Variants in RBFOX1 observed in about 807,000 individuals in gnomAD.
The protein encoded by RBFOX1 is RNA binding fox-1 homolog 1.
In RBFOX1, 8 loss-of-function variants were observed where a neutral mutation model predicts 57.7. The ratio of observed to expected loss-of-function variants is 0.14; its 90% CI spans 0.08 to 0.25. The LOEUF (loss-of-function observed/expected upper bound fraction) is 0.25. Ranked by LOEUF, RBFOX1 falls within the 10% of genes least tolerant of loss-of-function variation. The pLI, the probability that RBFOX1 is intolerant of heterozygous loss-of-function variation, is 1.00. For synonymous variants in RBFOX1, 326 were observed against 222.4 expected, an observed-to-expected ratio of 1.47 and a Z score of -4.15; for missense variants, 611 against 548.5, an observed-to-expected ratio of 1.11 and a Z score of -1.14.
intron 2 of RBFOX1, among the ~76,000 whole-genome samples, chr16:6,539,200 C>T (rs2096777615): frequency 6.6e-6 from 1 of 151,782 alleles, no homozygotes; most frequent in African/African-American, 2.4e-5. Context: ...AATCATTGTG[C>T]AGTATGATGG....
chr16:7,043,939 C>T (rs927132728), intron 3 of RBFOX1, among the ~76,000 whole-genome samples: 1 of 152,130 alleles, frequency 6.6e-6, no homozygotes, highest in Admixed American at 6.6e-5. Flanking sequence ...CAAAAACAAA[C>T]AAAATACACT....
chr16:6,673,233 C>A (rs891555624), intron 3 of RBFOX1, among the ~76,000 whole-genome samples: 3 of 152,138 alleles, frequency 2.0e-5, no homozygotes, highest in East Asian at 3.9e-4. Flanking sequence ...CTTCTCTATC[C>A]ACTCTCTGAT....
At chr16:7,585,751 G>A (rs1030517826) in intron 6 of RBFOX1, among the ~76,000 whole-genome samples, 4 of 152,116 alleles carry the variant, frequency 2.6e-5, no homozygotes, top group Admixed American at 2.6e-4. Context: ...CATTCCAGAG[G>A]ATAGCTATCT....
intron 1 of RBFOX1, among the ~76,000 whole-genome samples, chr16:6,091,122 C>T (rs1407856536): frequency 1.3e-5 from 2 of 152,176 alleles, no homozygotes; most frequent in African/African-American, 2.4e-5. Context: ...CTATTGTCAC[C>T]TTACTGTGCT....
intron 4 of RBFOX1, among the ~76,000 whole-genome samples, chr16:7,380,670 T>G (rs2097769482): frequency 6.6e-6 from 1 of 152,262 alleles, no homozygotes; most frequent in Admixed American, 6.5e-5. Context: ...TGTTTTGTCT[T>G]TGCTAGGACG....
chr16:7,354,568 G>A (rs1033453819), intron 4 of RBFOX1, among the ~76,000 whole-genome samples: 7 of 152,148 alleles, frequency 4.6e-5, no homozygotes, highest in Non-Finnish European at 8.8e-5. Flanking sequence ...CTTTTCAAAG[G>A]CCACCAATGT....
At chr16:7,194,807 G>T (rs2086278623) in intron 4 of RBFOX1, among the ~76,000 whole-genome samples, 1 of 151,786 alleles carries the variant, frequency 6.6e-6, no homozygotes, top group East Asian at 1.9e-4. Context: ...GCATGCCTGT[G>T]GTTCTCGCCA....
rs116891676 is a variant in RBFOX1, at chr16:5,486,128, A to G, written c.258+18874A>G. 3.9e-4 allele frequency among the ~76,000 whole-genome samples: 60 copies of G among 152,304 alleles called. 1 individual carries two copies. The East Asian group carries it at 0.011, about 27-fold the overall frequency. ...CTTTATTCCAGTCATTCCTTAAAGT[A>G]ATAACACTTAAAACCCTATAAAAAT... On this transcript the variant is annotated intron_variant, in intron 2 of 2. Transcript: ENST00000585867.
In RBFOX1 at chr16:5,388,869, G is replaced by A. The variant is rs761796923; in HGVS notation, c.220-78347G>A. 5.6e-4 allele frequency among the ~76,000 whole-genome samples: 84 copies of A among 151,050 alleles called. 1 individual carries two copies. The highest frequency in any genetic ancestry group is 3.8e-4 in the Non-Finnish European group (26 of 67,796). On this transcript the variant is annotated intron_variant, in intron 1 of 2. Transcript: ENST00000585867. ...TGGGATTACAGGCGTGAGTCACCGCGCCTTGCCAGAAGTGTTTATTTCTTA... is the reference window on the plus strand; with the variant it reads ...TGGGATTACAGGCGTGAGTCACCGCACCTTGCCAGAAGTGTTTATTTCTTA...
intron 4 of RBFOX1, among the ~76,000 whole-genome samples, chr16:7,380,967 C>A (rs1194434357): frequency 6.6e-6 from 1 of 152,160 alleles, no homozygotes; most frequent in South Asian, 2.1e-4. Flanking sequence ...CTCCAGAGTT[C>A]TCAGTGAAAG....
intron 14 of RBFOX1, among the ~76,000 whole-genome samples, chr16:7,683,700 A>C (rs2075424457): frequency 6.6e-6 from 1 of 152,092 alleles, no homozygotes; most frequent in African/African-American, 2.4e-5. Context: ...AAAGGAAATA[A>C]AGCCTGTCTT....
chr16:7,582,618 T>G (rs2093860372), intron 6 of RBFOX1, among the ~76,000 whole-genome samples: 3 of 152,300 alleles, frequency 2.0e-5, no homozygotes, highest in Middle Eastern at 6.8e-3. Flanking sequence ...TTAGGGAATT[T>G]AGGAGGGTTT....
intron 4 of RBFOX1, among the ~76,000 whole-genome samples, chr16:5,970,749 C>G (rs971633338): frequency 1.3e-5 from 2 of 152,162 alleles, no homozygotes; most frequent in African/African-American, 2.4e-5. Context: ...TGAAATGGCA[C>G]TGACATCAAA....
chr16:6,719,398 T>C (rs2065481362), intron 3 of RBFOX1, among the ~76,000 whole-genome samples: 1 of 151,942 alleles, frequency 6.6e-6, no homozygotes, highest in African/African-American at 2.4e-5. Context: ...CTATTACTAA[T>C]AGTTTAAAAG....
chr16:5,448,896 T>C (rs944264583), intron 1 of RBFOX1, among the ~76,000 whole-genome samples: 2 of 152,116 alleles, frequency 1.3e-5, no homozygotes, highest in Non-Finnish European at 2.9e-5. Context: ...ATCCGCCTGC[T>C]ACCTGCCTCT....
chr16:6,662,683 C>G (rs1450411414), intron 3 of RBFOX1, among the ~76,000 whole-genome samples: 1 of 152,098 alleles, frequency 6.6e-6, no homozygotes, highest in Non-Finnish European at 1.5e-5. Flanking sequence ...CTAAAAGACT[C>G]AAACATTTGA....
At chr16:6,657,617 G>C (rs1186176757) in intron 3 of RBFOX1, among the ~76,000 whole-genome samples, 1 of 152,136 alleles carries the variant, frequency 6.6e-6, no homozygotes, top group African/African-American at 2.4e-5. Flanking sequence ...TCACGCACGT[G>C]TGTGTGTGCA....
chr16:7,081,283 C>T (rs146609076), intron 4 of RBFOX1, among the ~76,000 whole-genome samples: 1,533 of 152,326 alleles, frequency 0.01, 31 homozygotes, highest in African/African-American at 0.035. Context: ...GATCCACCAG[C>T]CTTGGCCTCC....
intron 2 of RBFOX1, among the ~76,000 whole-genome samples, chr16:6,336,484 A>G (rs2083770952): frequency 6.6e-6 from 1 of 151,990 alleles, no homozygotes; most frequent in Non-Finnish European, 1.5e-5. Context: ...GCTAGCTTTG[A>G]ACTTCAGCAT....
Sources: gnomAD v4.1 joint callset for allele counts (sites outside exome capture counted in the v4.1 genomes callset) on GRCh38, gnomAD v4.1.1 for gene constraint, MANE v1.5 for transcripts, NCBI Gene and HGNC (gene_info 2026-07-23, HGNC 2026-07-21) for gene names.